The following SLC9A9 variants were observed in gnomAD, a reference collection of about 807,000 sequenced individuals.
SLC9A9 encodes the protein sodium/hydrogen exchanger 9.
SLC9A9 carries 62 observed loss-of-function variants against 77.8 expected under a neutral mutation model. The ratio of observed to expected loss-of-function variants is 0.80; its 90% CI spans 0.65 to 0.98. The LOEUF is 0.98. Among genes scored for constraint, SLC9A9 ranks in the 50% least tolerant of loss-of-function variants. The pLI is 0.00. For synonymous variants in SLC9A9, 320 were observed against 283.5 expected (o/e 1.13, Z -1.29); for missense variants, 775 against 774.9 (o/e 1.00, Z 0.00).
intron 2 of SLC9A9, among the ~76,000 whole-genome samples, chr3:143,812,093 T>C (rs1179539987): frequency 6.6e-6 from 1 of 152,130 alleles, no homozygotes; most frequent in East Asian, 1.9e-4. Flanking sequence ...ATTTAAACTA[T>C]GTTTACTCAA....
At position 143,687,057 on chromosome 3, in the gene SLC9A9, C is replaced by T. The variant is rs946920880; in HGVS notation, c.649+6135G>A. 3.9e-5 allele frequency among the ~76,000 whole-genome samples: 6 copies of T among 152,020 alleles called. No homozygotes were observed. In the East Asian group the frequency reaches 1.2e-3, roughly 29 times the overall value. ...TGTTAAGTGCTGATGATGACCTTTC[C>T]ATCATCAGCAAGATCTTCATCAGTA... On this transcript the variant is annotated intron_variant, in intron 5 of 15. Transcript: ENST00000316549.
At chr3:143,559,500 G>A (rs1257684565) in intron 8 of SLC9A9, among the ~76,000 whole-genome samples, 2 of 151,740 alleles carry the variant, frequency 1.3e-5, no homozygotes, top group Non-Finnish European at 2.9e-5. Context: ...CTGAAGGCCT[G>A]TCATTTTCCT....
intron 4 of SLC9A9, among the ~76,000 whole-genome samples, chr3:143,699,349 A>G (rs548041291): frequency 1.3e-5 from 2 of 152,272 alleles, no homozygotes; most frequent in South Asian, 2.1e-4. Flanking sequence ...AAGCAACTTA[A>G]TAAGAACCAA....
At chr3:143,454,215 TAATACACTGCTAAAGTG>T in intron 12 of SLC9A9, among the ~76,000 whole-genome samples, 1 of 152,216 alleles carries the variant, frequency 6.6e-6, no homozygotes, top group Non-Finnish European at 1.5e-5. Context: ...TTTTACCTTA[TAATACACTGCTAAAGTG>T]ATTTACAGAT....
chr3:143,415,712 C>T (rs2034179994), intron 12 of SLC9A9, among the ~76,000 whole-genome samples: 1 of 152,202 alleles, frequency 6.6e-6, no homozygotes, highest in Non-Finnish European at 1.5e-5. Context: ...AATACAACAT[C>T]AGCCAGTGAA....
intron 6 of SLC9A9, among the ~76,000 whole-genome samples, chr3:143,647,299 G>A (rs2038722799): frequency 6.6e-6 from 1 of 152,148 alleles, no homozygotes; most frequent in South Asian, 2.1e-4. Flanking sequence ...ACTATTAACT[G>A]ATCAACACAT....
intron 9 of SLC9A9, among the ~76,000 whole-genome samples, chr3:143,508,922 T>C (rs993312038): frequency 6.6e-6 from 1 of 152,218 alleles, no homozygotes; most frequent in Non-Finnish European, 1.5e-5. Context: ...CTTTATACTA[T>C]ATGTAAACAG....
rs121912597 is a variant in SLC9A9 at position 143,493,701 on chromosome 3, G to A, written c.1267C>T (p.Arg423Ter). Residue 423 changes from arginine (R) to a stop codon, truncating the protein, a stop_gained, in exon 11 of 16, where the codon CGA (arginine) becomes TGA (stop). Coordinates refer to ENST00000316549, the MANE Select transcript of SLC9A9 (RefSeq NM_173653.4). LOFTEE classifies it high-confidence loss of function. ...AAGTTCCAGGGGATCTTCTGTTTTC[G>A]GCCTAGATTCAGGAGGAAGGAGAGG... Reference protein sequence around the residue: ...YPLSFLLNLGRKQKIPWNFQH... With the variant: ...YPLSFLLNLG 2.3e-5 allele frequency: 37 copies of A among 1,613,928 alleles called. No homozygotes were observed. Among genetic ancestry groups the A allele is most frequent in the Middle Eastern group, 1.7e-4 (1 of 6,060 alleles).
intron 12 of SLC9A9, among the ~76,000 whole-genome samples, chr3:143,456,516 TGTA>T (rs1316998966): frequency 1.3e-5 from 2 of 152,194 alleles, no homozygotes; most frequent in Admixed American, 1.3e-4. Flanking sequence ...CATCTGGGCT[TGTA>T]GTTTATTTTT....
At chr3:143,407,806 A>G (rs1050594214) in intron 12 of SLC9A9, among the ~76,000 whole-genome samples, 1 of 152,260 alleles carries the variant, frequency 6.6e-6, no homozygotes, top group African/African-American at 2.4e-5. Context: ...TGAAATTTTA[A>G]TATGCATACT....
chr3:143,286,852 A>G (rs1938395388), intron 14 of SLC9A9, among the ~76,000 whole-genome samples: 1 of 152,194 alleles, frequency 6.6e-6, no homozygotes, highest in Admixed American at 6.5e-5. Flanking sequence ...ACAGACTGTG[A>G]AACTGGTACC....
chr3:143,523,660 T>C (rs947293136), intron 9 of SLC9A9, among the ~76,000 whole-genome samples: 3 of 152,186 alleles, frequency 2.0e-5, no homozygotes, highest in Non-Finnish European at 4.4e-5. Context: ...ACTTGTTATA[T>C]ACTTCCCTTT....
At chr3:143,745,615 G>A (rs146875038) in intron 4 of SLC9A9, among the ~76,000 whole-genome samples, 1 of 152,206 alleles carries the variant, frequency 6.6e-6, no homozygotes, top group African/African-American at 2.4e-5. Flanking sequence ...GAACATTAGG[G>A]CCGCTGTGTA....
chr3:143,355,672 A>G (rs566430297), intron 14 of SLC9A9, among the ~76,000 whole-genome samples: 1 of 152,310 alleles, frequency 6.6e-6, no homozygotes, highest in Non-Finnish European at 1.5e-5. Flanking sequence ...TAAAAACAGA[A>G]CTGTATTGGA....
chr3:143,502,126 G>T (rs568232882), intron 9 of SLC9A9, among the ~76,000 whole-genome samples: 9 of 151,178 alleles, frequency 6.0e-5, no homozygotes, highest in Non-Finnish European at 8.8e-5. Context: ...CTCAGGGTCA[G>T]TAAAAAATAA....
chr3:143,405,269 G>A (rs1469350367), intron 12 of SLC9A9, among the ~76,000 whole-genome samples: 1 of 152,110 alleles, frequency 6.6e-6, no homozygotes, highest in Non-Finnish European at 1.5e-5. Flanking sequence ...AAACCTGAAG[G>A]CATAAGTTCC....
chr3:143,372,215 T>C (rs2033074451), intron 13 of SLC9A9, among the ~76,000 whole-genome samples: 2 of 152,130 alleles, frequency 1.3e-5, no homozygotes, highest in Non-Finnish European at 2.9e-5. Flanking sequence ...AAAAAACAAT[T>C]CTAAAATTCA....
intron 14 of SLC9A9, among the ~76,000 whole-genome samples, chr3:143,352,697 A>G (rs1256470276): frequency 6.6e-6 from 1 of 152,228 alleles, no homozygotes; most frequent in Non-Finnish European, 1.5e-5. Context: ...ATACTTTTCT[A>G]TATTAACTCA....
intron 8 of SLC9A9, among the ~76,000 whole-genome samples, chr3:143,573,104 T>C (rs574259140): frequency 1.3e-5 from 2 of 152,284 alleles, no homozygotes; most frequent in East Asian, 3.9e-4. Flanking sequence ...TTCTATCGAT[T>C]AATGAAATCA....
Sources: gnomAD v4.1 joint callset for allele counts (sites outside exome capture counted in the v4.1 genomes callset) on GRCh38, gnomAD v4.1.1 for gene constraint, MANE v1.5 for transcripts, NCBI Gene and HGNC (gene_info 2026-07-23, HGNC 2026-07-21) for gene names.